The following VCPIP1 variants were observed in gnomAD, a reference collection of about 807,000 sequenced individuals.
VCPIP1 encodes the protein valosin containing protein interacting protein 1, also known as deubiquitinating protein VCPIP1.
In VCPIP1, 8 loss-of-function variants were observed where a neutral mutation model predicts 85.0. The ratio of observed to expected loss-of-function variants is 0.09; its 90% confidence interval spans 0.06 to 0.17. VCPIP1 has a LOEUF of 0.17. Ranked by LOEUF, VCPIP1 falls within the 10% of genes least tolerant of loss-of-function variation. The pLI, the probability that VCPIP1 is intolerant of heterozygous loss-of-function variation, is 1.00. For synonymous variants in VCPIP1, 543 were observed against 544.5 expected (o/e 1.00, Z 0.04); for missense variants, 1,070 against 1,486.3 (o/e 0.72, Z 4.61).
At chr8:66,635,962 C>T (rs1216712441) in intron 2 of VCPIP1, among the ~76,000 whole-genome samples, 1 of 149,434 alleles carries the variant, frequency 6.7e-6, no homozygotes, top group Non-Finnish European at 1.5e-5. Flanking sequence ...GGTGCAGTGG[C>T]TCATGCATAT....
intron 1 of VCPIP1, among the ~76,000 whole-genome samples, chr8:66,663,767 G>T (rs1288497780): frequency 6.6e-6 from 1 of 152,132 alleles, no homozygotes; most frequent in Non-Finnish European, 1.5e-5. Flanking sequence ...GATGAACTGG[G>T]AAAGGAAGAA....
chr8:66,659,059 C>CA (rs1474354976), intron 1 of VCPIP1, among the ~76,000 whole-genome samples: 2 of 151,516 alleles, frequency 1.3e-5, no homozygotes, highest in African/African-American at 4.9e-5. Flanking sequence ...TCTAGGAAAA[C>CA]AAAAAAACAA....
At position 66,630,026 on chromosome 8, in the gene VCPIP1, A is replaced by G. The variant is rs1810819006; in HGVS notation, c.*4475T>C. 1 of 152,216 alleles carries G rather than the reference A, an allele frequency of 6.6e-6. No individual in the cohort carries two copies. The highest frequency in any genetic ancestry group is 2.1e-4 in the South Asian group (1 of 4,830). 9.4% of individuals were successfully genotyped at this position (152,216 alleles called of 1,614,324 possible). Reference sequence around the variant, plus strand: ...CTATATGTTCATGCATTATAATTCCAGGAAACTAAAGAACATAAAATTACC... The same window carrying G: ...CTATATGTTCATGCATTATAATTCCGGGAAACTAAAGAACATAAAATTACC... On this transcript the variant is annotated 3_prime_UTR_variant, in exon 3 of 3. Coordinates refer to ENST00000310421, the MANE Select transcript of VCPIP1 (RefSeq NM_025054.5).
rs1811187311 is a variant in VCPIP1, at chr8:66,664,501, C to T, written c.2458G>A (p.Gly820Arg). The T allele has an allele frequency of 6.2e-7, 1 of 1,614,122 alleles. No individual in the cohort carries two copies. The highest frequency in any genetic ancestry group is 1.1e-5 in the South Asian group (1 of 91,076). Residue 820 changes from glycine to arginine, a missense_variant, in exon 1 of 3, where the codon GGG becomes AGG. Physicochemically the swap from Gly to Arg is moderately radical, Grantham distance 125 (BLOSUM62 -2). Around this residue, in one of 8 missense-constraint regions of VCPIP1, gnomAD observed 278 missense variants for 298.5 expected, o/e 0.93. Coordinates refer to ENST00000310421, the MANE Select transcript of VCPIP1 (RefSeq NM_025054.5). ...IPPYLQCIRY[G>R]FPPKELMPPQ... ...GGCATTAACTCTTTAGGAGGAAACCCGTATCGAATACACTGTAAATATGGA... is the reference window on the plus strand; with the variant it reads ...GGCATTAACTCTTTAGGAGGAAACCTGTATCGAATACACTGTAAATATGGA...
intron 1 of VCPIP1, among the ~76,000 whole-genome samples, chr8:66,657,390 C>G (rs7003548): frequency 0.13 from 20,302 of 152,158 alleles, 3,232 homozygotes; most frequent in African/African-American, 0.38. Context: ...TTCAACTAGA[C>G]AGAATTCCAA....
chr8:66,640,652 G>A (rs567838631), intron 2 of VCPIP1, among the ~76,000 whole-genome samples: 1 of 152,314 alleles, frequency 6.6e-6, no homozygotes, highest in Non-Finnish European at 1.5e-5. Context: ...GAGAACGAGA[G>A]AAGAGAAGAA....
At chr8:66,635,410 T>C in intron 2 of VCPIP1, 38 bp from the exon 3 acceptor site, 3 of 1,528,070 alleles carry the variant, frequency 2.0e-6, no homozygotes, top group Non-Finnish European at 2.6e-6. Context: ...ATTAAAATCT[T>C]AAGGTATTAA....
At chr8:66,652,584 G>A (rs1033247793) in intron 1 of VCPIP1, among the ~76,000 whole-genome samples, 1 of 151,250 alleles carries the variant, frequency 6.6e-6, no homozygotes, top group South Asian at 2.1e-4. Flanking sequence ...TTGCACTCTA[G>A]CCTGTGCTAC....
At chr8:66,648,698 T>C (rs1811022092) in intron 2 of VCPIP1, among the ~76,000 whole-genome samples, 1 of 151,966 alleles carries the variant, frequency 6.6e-6, no homozygotes. Flanking sequence ...GGGACTACAG[T>C]CGTGCACCAC....
chr8:66,658,098 G>A (rs1811117465), intron 1 of VCPIP1, among the ~76,000 whole-genome samples: 2 of 152,154 alleles, frequency 1.3e-5, no homozygotes, highest in Admixed American at 1.3e-4. Flanking sequence ...CACTTTGGGA[G>A]GCCCAGGTGG....
At chr8:66,653,618 A>C (rs1245883162) in intron 1 of VCPIP1, 1 of 152,098 alleles carries the variant, frequency 6.6e-6, no homozygotes, top group Non-Finnish European at 1.5e-5. Flanking sequence ...AAAATGGTGA[A>C]CTCCTCAGAA....
chr8:66,667,183 C>A lies in VCPIP1; in HGVS notation c.-225G>T, dbSNP rs144737663. The A allele has an allele frequency of 1.4e-5, 12 of 870,412 alleles. No individual in the cohort carries two copies. In the East Asian group the frequency reaches 3.1e-4, roughly 22 times the overall value. The allele number at this position is 870,412 out of a possible 1,614,324, so 53.9% of individuals were successfully genotyped here. A position where few individuals can be genotyped will look rare whatever the true frequency, so the allele number is the denominator to read the frequency against. On this transcript the variant is annotated 5_prime_UTR_variant, in exon 1 of 3. Coordinates refer to ENST00000310421, the MANE Select transcript of VCPIP1 (RefSeq NM_025054.5). ...TGCCCCGAACGTAACGGCCACCACC[C>A]CACCCCGCACTCACACTCACTCACT...
At chr8:66,644,154 A>G (rs1810972989) in intron 2 of VCPIP1, among the ~76,000 whole-genome samples, 1 of 152,194 alleles carries the variant, frequency 6.6e-6, no homozygotes, top group African/African-American at 2.4e-5. Context: ...CTAAGCAAAG[A>G]TGGTTTCACT....
At chr8:66,638,175 T>C (rs1810907616) in intron 2 of VCPIP1, among the ~76,000 whole-genome samples, 1 of 152,008 alleles carries the variant, frequency 6.6e-6, no homozygotes, top group Non-Finnish European at 1.5e-5. Flanking sequence ...TCAATACAGA[T>C]GTATCTGAAA....
intron 2 of VCPIP1, among the ~76,000 whole-genome samples, chr8:66,646,899 C>T (rs1280756473): frequency 6.6e-6 from 1 of 152,026 alleles, no homozygotes; most frequent in Non-Finnish European, 1.5e-5. Flanking sequence ...GTGGTGTGCA[C>T]CTGTAATCCC....
chr8:66,647,497 C>A (rs1389487368), intron 2 of VCPIP1, among the ~76,000 whole-genome samples: 2 of 151,918 alleles, frequency 1.3e-5, no homozygotes, highest in East Asian at 1.9e-4. Context: ...CTATAAGATA[C>A]AATAATCAGG....
In VCPIP1 at chr8:66,634,499, A is replaced by T. The variant is rs775207754; in HGVS notation, c.*2T>A. ...TTCTGCCTTTATTAGCCTCTAATTA[A>T]ATCAAGAGTGATCCATTGGCTCAGT... On this transcript the variant is annotated 3_prime_UTR_variant, in exon 3 of 3. Coordinates refer to ENST00000310421, the MANE Select transcript of VCPIP1 (RefSeq NM_025054.5). 3 of 1,582,800 alleles carry T rather than the reference A, an allele frequency of 1.9e-6. No individual in the cohort carries two copies. Among genetic ancestry groups the T allele is most frequent in the Non-Finnish European group, 2.6e-6 (3 of 1,165,814 alleles).
chr8:66,662,194 T>A (rs1325639407), intron 1 of VCPIP1, among the ~76,000 whole-genome samples: 1 of 152,202 alleles, frequency 6.6e-6, no homozygotes, highest in Non-Finnish European at 1.5e-5. Flanking sequence ...CAAAACTTGT[T>A]ATCAGGAAGC....
chr8:66,666,773 G>A lies in VCPIP1; in HGVS notation c.186C>T (p.Ala62=), dbSNP rs765764523. 5 of 1,613,628 alleles carry A rather than the reference G, an allele frequency of 3.1e-6. No individual in the cohort carries two copies. The highest frequency in any genetic ancestry group is 2.2e-5 in the South Asian group (2 of 91,086). The change falls in exon 1 of 3, where the codon GCC becomes GCT. Residue 62 remains alanine (A), a synonymous_variant. Coordinates refer to ENST00000310421, the MANE Select transcript of VCPIP1 (RefSeq NM_025054.5). The surrounding 1 kb of genome is among the most constrained non-coding windows in gnomAD (Gnocchi z 6.3). ...TACACTCGATGCTGACAGAACCGGA[G>A]GCCGGGAAAAATAGACGCGCCTGAC... ...PKCQARLFFP[A]SGSVSIECTE...
Sources: gnomAD v4.1 joint callset for allele counts (sites outside exome capture counted in the v4.1 genomes callset) on GRCh38, gnomAD v4.1.1 for gene constraint, gnomAD v4.1.1 regional missense constraint, Gnocchi (gnomAD v3.1) non-coding constraint, MANE v1.5 for transcripts, NCBI Gene and HGNC (gene_info 2026-07-23, HGNC 2026-07-21) for gene names.